Variants in CLCN4 observed in about 807,000 individuals in gnomAD.
CLCN4 encodes Cl-/H+ antiporter 4, also known as H(+)/Cl(-) exchange transporter 4.
A neutral mutation model predicts 41.7 loss-of-function variants in CLCN4; 1 was observed. That is an observed-to-expected ratio of 0.02 (90% confidence interval 0.01 to 0.11). The LOEUF (loss-of-function observed/expected upper bound fraction) is 0.11. Ranked by LOEUF, CLCN4 falls within the 10% of genes least tolerant of loss-of-function variation. The probability of loss-of-function intolerance (pLI) is 1.00; values close to 1 mark genes in which losing one functional copy is unlikely to be tolerated. For missense variants in CLCN4, 287 were observed against 661.0 expected (o/e 0.43, Z 6.20); for synonymous variants, 277 against 285.8 (o/e 0.97, Z 0.31).
In CLCN4 at chrX:10,173,764, A is replaced by G. The variant is rs780150244; in HGVS notation, c.-11-11258A>G. On this transcript the variant is annotated intron_variant, in intron 2 of 12. Transcript: ENST00000380833. The stretch of plus-strand genomic sequence containing the variant: ...TTAACCAGAAGCCCAGGGGATGCGC[A>G]TGTGCATTGTCATATGAGAAGCGCT... Among the ~76,000 whole-genome samples the G allele has an allele frequency of 5.8e-4, 65 of 112,120 alleles. 1 individual carries two copies. Among genetic ancestry groups the G allele is most frequent in the African/African-American group, 2.1e-3 (65 of 30,832 alleles).
At chrX:10,168,361 G>T (rs928493464) in intron 2 of CLCN4, among the ~76,000 whole-genome samples, 3 of 111,903 alleles carry the variant, frequency 2.7e-5, no homozygotes, top group Non-Finnish European at 3.8e-5. Context: ...GCAATGTGGA[G>T]CCCGTGTCCT....
At position 10,175,940 on chromosome X, in the gene CLCN4, C is replaced by T. The variant is rs1266366026; in HGVS notation, c.-11-9082C>T. Among the ~76,000 whole-genome samples the T allele has an allele frequency of 4.7e-5, 3 of 63,168 alleles. No individual in the cohort carries two copies. The East Asian group carries it at 8.4e-3, about 177-fold the overall frequency. The allele number at this position is 63,168 out of a possible 115,157, so 54.9% of individuals were successfully genotyped here. A position where few individuals can be genotyped will look rare whatever the true frequency, so the allele number is the denominator to read the frequency against. Reference sequence around the variant, plus strand: ...TCTCTCTCTCTCTCCCCCTCCCTCCCTCTCCCTCTCTCTCTCTCTCTCTCT... The same window carrying T: ...TCTCTCTCTCTCTCCCCCTCCCTCCTTCTCCCTCTCTCTCTCTCTCTCTCT... On this transcript the variant is annotated intron_variant, in intron 2 of 12. Coordinates refer to ENST00000380833, the MANE Select transcript of CLCN4 (RefSeq NM_001830.4).
Position 10,202,604 on chromosome X carries a change from A to G in CLCN4, c.556-3754A>G, listed in dbSNP as rs1206986120. On this transcript the variant is annotated intron_variant, in intron 6 of 12. Transcript: ENST00000380833. ...CAGTGAGCTGTGATTGTGCCACTGT[A>G]CTCCAGCCTGGGTGACAGAGCCAGA... Among the ~76,000 whole-genome samples, 4 of 91,504 alleles carry G rather than the reference A, an allele frequency of 4.4e-5. No homozygotes were observed. In the Admixed American group the frequency reaches 5.4e-4, roughly 12 times the overall value. The allele number at this position is 91,504 out of a possible 115,157, so 79.5% of individuals were successfully genotyped here. A position where few individuals can be genotyped will look rare whatever the true frequency, so the allele number is the denominator to read the frequency against.
chrX:10,201,258 G>T (rs761252138), intron 6 of CLCN4, among the ~76,000 whole-genome samples: 1 of 111,929 alleles, frequency 8.9e-6, no homozygotes, highest in African/African-American at 3.2e-5. Flanking sequence ...TTGGTAGTGG[G>T]CACATGGGTA....
In CLCN4 at chrX:10,233,674, G is replaced by T. The variant is rs1925177768; in HGVS notation, c.*90G>T. ...TGTTATTATCCCAATGAAAGATCAT[G>T]CATTGGGGACAGCAGAAACAAAAGC... On this transcript the variant is annotated 3_prime_UTR_variant, in exon 13 of 13. Coordinates refer to ENST00000380833, the MANE Select transcript of CLCN4 (RefSeq NM_001830.4). 4 of 753,623 alleles carry T rather than the reference G, an allele frequency of 5.3e-6. No individual in the cohort carries two copies. The highest frequency in any genetic ancestry group is 2.6e-5 in the Admixed American group (1 of 38,433). The allele number at this position is 753,623 out of a possible 1,213,427, so 62.1% of individuals were successfully genotyped here.
At chrX:10,162,169 C>T (rs748363442) in intron 2 of CLCN4, among the ~76,000 whole-genome samples, 2 of 110,515 alleles carry the variant, frequency 1.8e-5, no homozygotes, top group Non-Finnish European at 3.8e-5. Flanking sequence ...CAGGGACACG[C>T]CACCACGGCT....
intron 2 of CLCN4, among the ~76,000 whole-genome samples, chrX:10,181,961 C>G: frequency 8.9e-6 from 1 of 112,280 alleles, no homozygotes; most frequent in Non-Finnish European, 1.9e-5. Flanking sequence ...GGTCTTCATG[C>G]TTGGAGACCA....
rs181652735 is a variant in CLCN4, at chrX:10,167,108, G to A, written c.-12+8557G>A. ...GAAGTGTCTCCGCTGGTTCGAGGCAGAATTTTGAAACAGGCACAGTTTCTT... is the reference window on the plus strand; with the variant it reads ...GAAGTGTCTCCGCTGGTTCGAGGCAAAATTTTGAAACAGGCACAGTTTCTT... On this transcript the variant is annotated intron_variant, in intron 2 of 12. Coordinates refer to ENST00000380833, the MANE Select transcript of CLCN4 (RefSeq NM_001830.4). Among the ~76,000 whole-genome samples, 545 of 112,543 alleles carry A rather than the reference G, an allele frequency of 4.8e-3. 3 individuals carry two copies. The highest frequency in any genetic ancestry group is 6.6e-3 in the Non-Finnish European group (353 of 53,227).
chrX:10,236,789 C>G lies in CLCN4; in HGVS notation c.*3205C>G, dbSNP rs1265082936. ...ATTTGTAGAACTTTCTGGATTCCTTCTGAATCGGGTTTTAACATAAAAAAC... is the reference window on the plus strand; with the variant it reads ...ATTTGTAGAACTTTCTGGATTCCTTGTGAATCGGGTTTTAACATAAAAAAC... On this transcript the variant is annotated 3_prime_UTR_variant, in exon 13 of 13. Transcript: ENST00000380833. 1 of 109,456 alleles carries G rather than the reference C, an allele frequency of 9.1e-6. No homozygotes were observed. The highest frequency in any genetic ancestry group is 3.3e-5 in the African/African-American group (1 of 29,933). 9.0% of individuals were successfully genotyped at this position (109,456 alleles called of 1,213,427 possible). A position where few individuals can be genotyped will look rare whatever the true frequency, so the allele number is the denominator to read the frequency against.
chrX:10,229,808 G>T (rs983060409), intron 12 of CLCN4, among the ~76,000 whole-genome samples: 1 of 111,757 alleles, frequency 8.9e-6, no homozygotes, highest in African/African-American at 3.3e-5. Flanking sequence ...TGGACATTTG[G>T]GTTGGTTCCA....
chrX:10,186,912 C>T (rs1923828295), intron 3 of CLCN4, among the ~76,000 whole-genome samples: 1 of 112,057 alleles, frequency 8.9e-6, no homozygotes. Context: ...AATATTTACT[C>T]TCTGGTCCTT....
Position 10,208,251 on chromosome X carries a change from C to T in CLCN4, c.1050C>T (p.Ile350=). The stretch of plus-strand genomic sequence containing the variant: ...GGGGCTTGTGGGGAACCCTCTTCAT[C>T]CGCTGCAACATCGCCTGGTGCAGGA... ...VFGGLWGTLF[I]RCNIAWCRRR... The change falls in exon 9 of 13, where the codon ATC becomes ATT. Residue 350 remains isoleucine (I), a synonymous_variant. Transcript: ENST00000380833. 8.3e-7 allele frequency: 1 copy of T among 1,211,498 alleles called. No individual in the cohort carries two copies. The highest frequency in any genetic ancestry group is 1.8e-5 in the South Asian group (1 of 56,976).
At chrX:10,209,140 G>A (rs1313348453) in intron 9 of CLCN4, among the ~76,000 whole-genome samples, 3 of 111,576 alleles carry the variant, frequency 2.7e-5, no homozygotes, top group South Asian at 7.5e-4. Context: ...TGAGCACCAC[G>A]CTGGTATGAC....
intron 2 of CLCN4, among the ~76,000 whole-genome samples, chrX:10,183,755 G>C (rs1923742551): frequency 8.9e-6 from 1 of 112,401 alleles, no homozygotes; most frequent in Non-Finnish European, 1.9e-5. Flanking sequence ...GGTGAGGAGA[G>C]CTGGAATAGT....
chrX:10,225,674 A>G (rs1329434598), intron 12 of CLCN4, among the ~76,000 whole-genome samples: 4 of 112,065 alleles, frequency 3.6e-5, no homozygotes, highest in African/African-American at 1.3e-4. Flanking sequence ...GCCCATGACT[A>G]TGTCCTGAAT....
At chrX:10,157,971 G>C (rs1262669149) in intron 1 of CLCN4, among the ~76,000 whole-genome samples, 1 of 112,279 alleles carries the variant, frequency 8.9e-6, no homozygotes, top group Non-Finnish European at 1.9e-5. Flanking sequence ...TTATTCATCC[G>C]TGCAATTAGT....
intron 12 of CLCN4, among the ~76,000 whole-genome samples, chrX:10,232,962 A>C (rs1569235698): frequency 8.9e-6 from 1 of 111,913 alleles, no homozygotes; most frequent in South Asian, 3.8e-4. Context: ...AATTTCTTAT[A>C]CTTAAAATAC....
chrX:10,175,317 G>A (rs892714769), intron 2 of CLCN4, among the ~76,000 whole-genome samples: 2 of 111,371 alleles, frequency 1.8e-5, no homozygotes, highest in African/African-American at 6.5e-5. Context: ...ACAGGTTGGA[G>A]GAGATGGAAA....
In CLCN4 at chrX:10,171,138, T is replaced by A. The variant is rs190171790; in HGVS notation, c.-12+12587T>A. Reference sequence around the variant, plus strand: ...CCTGACCTCAGGTGATCCACCCACCTCGGCCTCTCAAAGTGCTGGGGTTAC... The same window carrying A: ...CCTGACCTCAGGTGATCCACCCACCACGGCCTCTCAAAGTGCTGGGGTTAC... On this transcript the variant is annotated intron_variant, in intron 2 of 12. Coordinates refer to ENST00000380833, the MANE Select transcript of CLCN4 (RefSeq NM_001830.4). Among the ~76,000 whole-genome samples the A allele has an allele frequency of 3.3e-3, 375 of 112,220 alleles. 2 individuals carry two copies. The highest frequency in any genetic ancestry group is 0.012 in the African/African-American group (357 of 30,852).
Sources: allele counts gnomAD v4.1 joint callset (sites outside exome capture counted in the v4.1 genomes callset), GRCh38; gene constraint gnomAD v4.1.1; transcripts MANE v1.5; gene names NCBI Gene and HGNC (gene_info 2026-07-23, HGNC 2026-07-21).